Variants in EP300 observed in about 807,000 individuals in gnomAD.
EP300 encodes EP300 lysine acetyltransferase.
A neutral mutation model predicts 264.0 loss-of-function variants in EP300; 31 were observed. That is an observed-to-expected ratio of 0.12 (90% CI 0.09 to 0.16). EP300 has a LOEUF of 0.16. Among genes scored for constraint, EP300 ranks in the 10% least tolerant of loss-of-function variants. The pLI is 1.00. For missense variants in EP300, 2,766 were observed against 3,052.9 expected, an observed-to-expected ratio of 0.91 and a Z score of 2.21; for synonymous variants, 1,340 against 1,045.4, an observed-to-expected ratio of 1.28 and a Z score of -5.44.
Position 41,149,725 on chromosome 22 carries a change from T to C in EP300, c.2380-36T>C, listed in dbSNP as rs140011569. The C allele has an allele frequency of 8.7e-5, 139 of 1,602,854 alleles. No individual in the cohort carries two copies. In the African/African-American group the frequency reaches 1.7e-3, roughly 20 times the overall value. ...TGTAAGTATTTCCTTAATTCTGTTCTGAATTGCTGTCTTGTTATGTTTTTT... is the reference window on the plus strand; with the variant it reads ...TGTAAGTATTTCCTTAATTCTGTTCCGAATTGCTGTCTTGTTATGTTTTTT... On this transcript the variant is annotated intron_variant, in intron 13 of 30. Transcript: ENST00000263253.
chr22:41,124,159 C>T (rs754789021), intron 2 of EP300, among the ~76,000 whole-genome samples: 15 of 152,240 alleles, frequency 9.9e-5, no homozygotes, highest in Non-Finnish European at 5.9e-5. Context: ...GCAGGATAAC[C>T]GCTTGAACCC....
At chr22:41,119,501 A>G (rs1242583756) in intron 2 of EP300, among the ~76,000 whole-genome samples, 1 of 152,154 alleles carries the variant, frequency 6.6e-6, no homozygotes, top group Admixed American at 6.6e-5. Flanking sequence ...GACTTACAAT[A>G]AACCCTCACT....
intron 10 of EP300, 121 bp from the exon 11 acceptor site, chr22:41,146,618 A>C: frequency 1.2e-6 from 1 of 813,606 alleles, no homozygotes; most frequent in Non-Finnish European, 2.1e-6. Context: ...TTATTTTGTG[A>C]TTCATACTCA....
intron 1 of EP300, among the ~76,000 whole-genome samples, chr22:41,104,632 T>C (rs1157509962): frequency 1.3e-5 from 2 of 152,082 alleles, no homozygotes; most frequent in African/African-American, 4.8e-5. Flanking sequence ...TATTAATACA[T>C]TGAAAAAGAG....
At chr22:41,143,962 C>T (rs556505577) in intron 10 of EP300, among the ~76,000 whole-genome samples, 21 of 152,122 alleles carry the variant, frequency 1.4e-4, no homozygotes, top group Middle Eastern at 6.8e-3. Flanking sequence ...GTGTATTGGC[C>T]TAAAAATATG....
chr22:41,098,695 A>G (rs932483304), intron 1 of EP300, among the ~76,000 whole-genome samples: 4 of 152,130 alleles, frequency 2.6e-5, no homozygotes, highest in Non-Finnish European at 5.9e-5. Flanking sequence ...GTTGAGAGAG[A>G]GAGAGTAAAA....
chr22:41,160,358 G>A (rs954674097), intron 19 of EP300: 3 of 368,052 alleles, frequency 8.2e-6, no homozygotes, highest in African/African-American at 2.3e-5. Context: ...TCATTTCTTC[G>A]TTTGTTTTGT....
intron 22 of EP300, 64 bp downstream of exon 22, chr22:41,164,194 T>A: frequency 7.1e-7 from 1 of 1,415,474 alleles, no homozygotes; most frequent in Non-Finnish European, 1.0e-6. Context: ...ACAAGTTTTT[T>A]ATTCTATGCA....
rs2058680010 is a variant in EP300, at chr22:41,092,798, C to G, written c.-207C>G. 9.3e-6 allele frequency: 6 copies of G among 644,554 alleles called. No individual in the cohort carries two copies. The highest frequency in any genetic ancestry group is 1.4e-5 in the Non-Finnish European group (5 of 356,932). The allele number at this position is 644,554 out of a possible 1,614,324, so 39.9% of individuals were successfully genotyped here. A position where few individuals can be genotyped will look rare whatever the true frequency, so the allele number is the denominator to read the frequency against. Reference sequence around the variant, plus strand: ...GGGCTTGGGCCCAGGCCCGGCCCCTCGCACTTGCCCTTACCTTTTCTATCG... The same window carrying G: ...GGGCTTGGGCCCAGGCCCGGCCCCTGGCACTTGCCCTTACCTTTTCTATCG... On this transcript the variant is annotated 5_prime_UTR_variant, in exon 1 of 31. Coordinates refer to ENST00000263253, the MANE Select transcript of EP300 (RefSeq NM_001429.4).
At chr22:41,158,524 A>G (rs893994432) in intron 19 of EP300, 24 bp downstream of exon 19, 1 of 1,594,480 alleles carries the variant, frequency 6.3e-7, no homozygotes, top group Non-Finnish European at 8.6e-7. Flanking sequence ...GGTGTGGACC[A>G]TGGTCCATGT....
At position 41,117,254 on chromosome 22, in the gene EP300, A is replaced by G. The variant is rs1763130471; in HGVS notation, c.162A>G (p.Gly54=). 1 of 1,614,084 alleles carries G rather than the reference A, an allele frequency of 6.2e-7. No homozygotes were observed. The highest frequency in any genetic ancestry group is 1.3e-5 in the African/African-American group (1 of 74,914). ...AATTAATCAACTCTACAGAATTGGG[A>G]CTAACCAATGGTGGTGATATTAATC... ...PDELINSTEL[G]LTNGGDINQL... Residue 54 remains glycine, a synonymous_variant, in exon 2 of 31, where the codon GGA becomes GGG. Transcript: ENST00000263253.
At chr22:41,125,112 CTTTTT>C (rs930135062) in intron 2 of EP300, among the ~76,000 whole-genome samples, 2 of 80,348 alleles carry the variant, frequency 2.5e-5, no homozygotes, top group Admixed American at 1.9e-4. Flanking sequence ...CTTTTCTTTC[CTTTTT>C]TTTTTTTTTT....
chr22:41,146,584 C>T lies in EP300; in HGVS notation c.2054-155C>T, dbSNP rs541373178. 8.7e-6 allele frequency: 6 copies of T among 687,262 alleles called. No individual in the cohort carries two copies. The South Asian group carries it at 1.0e-4, about 12-fold the overall frequency. The allele number at this position is 687,262 out of a possible 1,614,324, so 42.6% of individuals were successfully genotyped here. ...TGTATTCCAGAAATAACATTTTCTT[C>T]AAGCTTCTGTCTAGTTCAGAGCTTT... On this transcript the variant is annotated intron_variant, in intron 10 of 30. Transcript: ENST00000263253.
rs967850376 is a variant in EP300 at position 41,166,080 on chromosome 22, T to A, written c.3807-519T>A. 3.3e-5 allele frequency among the ~76,000 whole-genome samples: 5 copies of A among 152,330 alleles called. 1 individual carries two copies. Among genetic ancestry groups the A allele is most frequent in the Non-Finnish European group, 4.4e-5 (3 of 68,032 alleles). On this transcript the variant is annotated intron_variant, in intron 22 of 30. Coordinates refer to ENST00000263253, the MANE Select transcript of EP300 (RefSeq NM_001429.4). ...GATTACAGGCGGGAGCCACCACGCC[T>A]GGCTGGTCATAGACACTCATTTATG...
In EP300 at chr22:41,178,636, T is replaced by C. The variant is rs1395188135; in HGVS notation, c.6925T>C (p.Ser2309Pro). Residue 2309 changes from serine (S) to proline (P), a missense_variant, in exon 31 of 31, where the codon TCT becomes CCT. By Grantham distance (74) the Ser-to-Pro change is moderately conservative. Coordinates refer to ENST00000263253, the MANE Select transcript of EP300 (RefSeq NM_001429.4). ...IPNSLSNQVR[S>P]PQPVPSPRPQ... ...TAATTCTCTCTCCAATCAAGTGCGC[T>C]CTCCCCAGCCTGTCCCTTCTCCACG... 1.2e-6 allele frequency: 2 copies of C among 1,613,764 alleles called. No homozygotes were observed. The highest frequency in any genetic ancestry group is 1.7e-6 in the Non-Finnish European group (2 of 1,179,974).
At chr22:41,174,405 T>C (rs2059188252) in intron 29 of EP300, among the ~76,000 whole-genome samples, 1 of 152,188 alleles carries the variant, frequency 6.6e-6, no homozygotes, top group African/African-American at 2.4e-5. Flanking sequence ...AACGAGACTC[T>C]GTTTCAAAAA....
chr22:41,099,967 G>A lies in EP300; in HGVS notation c.94+6869G>A, dbSNP rs573049648. On this transcript the variant is annotated intron_variant, in intron 1 of 30. Transcript: ENST00000263253. ...TGTTGTGGCTCACGCCTGTAATCCT[G>A]GCACTTTGGGAGATTGAGGCAGGAG... Among the ~76,000 whole-genome samples, 10 of 152,242 alleles carry A rather than the reference G, an allele frequency of 6.6e-5. No individual in the cohort carries two copies. The South Asian group carries it at 1.4e-3, about 22-fold the overall frequency.
At chr22:41,105,198 G>GAAA (rs764225630) in intron 1 of EP300, among the ~76,000 whole-genome samples, 2 of 60,942 alleles carry the variant, frequency 3.3e-5, no homozygotes, top group African/African-American at 7.8e-5. Flanking sequence ...CTCCATCTCA[G>GAAA]AAAAAAAAAA....
At chr22:41,157,511 G>GTTT in intron 18 of EP300, 103 bp downstream of exon 18, 1 of 890,188 alleles carries the variant, frequency 1.1e-6, no homozygotes, top group Non-Finnish European at 1.6e-6. Flanking sequence ...CTTTGACATG[G>GTTT]CTTTTTTTTT....
Sources: gnomAD v4.1 joint callset for allele counts (sites outside exome capture counted in the v4.1 genomes callset) on GRCh38, gnomAD v4.1.1 for gene constraint, MANE v1.5 for transcripts, NCBI Gene and HGNC (gene_info 2026-07-23, HGNC 2026-07-21) for gene names.